Variants in MAGI1 observed in about 807,000 individuals in gnomAD.
MAGI1 encodes membrane-associated guanylate kinase, WW and PDZ domain-containing protein 1.
In MAGI1, 58 loss-of-function variants were observed where a neutral mutation model predicts 139.9. That is an observed-to-expected ratio of 0.41 (90% CI 0.34 to 0.52). MAGI1 has a LOEUF of 0.52. Ranked by LOEUF, MAGI1 falls within the 20% of genes least tolerant of loss-of-function variation. The probability of loss-of-function intolerance (pLI) is 0.12; values close to 1 mark genes in which losing one functional copy is unlikely to be tolerated. For synonymous variants in MAGI1, 812 were observed against 737.9 expected, an observed-to-expected ratio of 1.10 and a Z score of -1.63; for missense variants, 1,874 against 1,901.6, an observed-to-expected ratio of 0.99 and a Z score of 0.27.
rs898329626 is a variant in MAGI1, at chr3:65,434,798, G to A, written c.1363+2357C>T. ...CAAAGATTATAAAAGTGCTTGAAAC[G>A]TGTGGATCAACAGAGAGACTACACA... is the stretch of plus-strand genomic sequence containing the variant. On this transcript the variant is annotated intron_variant, in intron 10 of 22. Transcript: ENST00000402939. 3.3e-5 allele frequency among the ~76,000 whole-genome samples: 5 copies of A among 152,212 alleles called. No individual in the cohort carries two copies. The South Asian group carries it at 6.2e-4, about 19-fold the overall frequency.
At chr3:65,708,571 G>C (rs1179420676) in intron 1 of MAGI1, among the ~76,000 whole-genome samples, 2 of 152,152 alleles carry the variant, frequency 1.3e-5, no homozygotes, top group Admixed American at 6.5e-5. Flanking sequence ...CTTGGGGGCA[G>C]TCAGGTGGGC....
intron 1 of MAGI1, among the ~76,000 whole-genome samples, chr3:65,953,608 C>A (rs571460672): frequency 1.2e-4 from 19 of 152,296 alleles, no homozygotes; most frequent in African/African-American, 3.6e-4. Context: ...ACCAGCCCTA[C>A]AGGTGTATCC....
intron 1 of MAGI1, among the ~76,000 whole-genome samples, chr3:65,751,289 C>T (rs937062127): frequency 1.2e-4 from 18 of 152,166 alleles, no homozygotes; most frequent in Non-Finnish European, 5.9e-5. Context: ...AGAAATTGTC[C>T]TGCCCCCTGC....
In MAGI1 at chr3:65,571,741, T is replaced by C. The variant is rs568571485; in HGVS notation, c.430+50231A>G. 6.8e-4 allele frequency among the ~76,000 whole-genome samples: 103 copies of C among 152,098 alleles called. 1 individual carries two copies. The highest frequency in any genetic ancestry group is 6.2e-4 in the South Asian group (3 of 4,814). The stretch of plus-strand genomic sequence containing the variant: ...CAACTACACCCATAGGTGTAGTTGA[T>C]GAATACGTTTTGAGAGATGTCACTG... On this transcript the variant is annotated intron_variant, in intron 2 of 22. Transcript: ENST00000402939.
intron 1 of MAGI1, among the ~76,000 whole-genome samples, chr3:65,787,791 G>A (rs994496676): frequency 7.2e-5 from 11 of 152,000 alleles, no homozygotes; most frequent in South Asian, 4.2e-4. Flanking sequence ...GTTAGGAGCC[G>A]TTAAAATATG....
At chr3:65,823,504 T>C (rs1359316503) in intron 1 of MAGI1, among the ~76,000 whole-genome samples, 1 of 152,234 alleles carries the variant, frequency 6.6e-6, no homozygotes, top group Non-Finnish European at 1.5e-5. Context: ...GGGAGCAATG[T>C]GGTATGCCAT....
chr3:65,581,393 G>A (rs928297126), intron 2 of MAGI1, among the ~76,000 whole-genome samples: 27 of 152,130 alleles, frequency 1.8e-4, no homozygotes, highest in African/African-American at 6.3e-4. Context: ...GGCCACGGAA[G>A]TTCTCTGCTC....
chr3:65,896,355 G>A, intron 1 of MAGI1, among the ~76,000 whole-genome samples: 1 of 151,078 alleles, frequency 6.6e-6, no homozygotes, highest in East Asian at 2.0e-4. Context: ...ATCAATCGAG[G>A]ACAATTTAGT....
chr3:65,881,110 T>G (rs867492646), intron 1 of MAGI1, among the ~76,000 whole-genome samples: 1 of 151,994 alleles, frequency 6.6e-6, no homozygotes, highest in Non-Finnish European at 1.5e-5. Context: ...GGTCTTGAAC[T>G]CCTGAGCTCA....
intron 1 of MAGI1, among the ~76,000 whole-genome samples, chr3:65,959,479 G>A (rs545822929): frequency 6.6e-6 from 1 of 151,754 alleles, no homozygotes; most frequent in African/African-American, 2.4e-5. Context: ...TTTTGAGACA[G>A]GGTCTGGAGT....
intron 1 of MAGI1, chr3:65,687,990 T>G (rs934962544): frequency 6.1e-6 from 5 of 825,534 alleles, no homozygotes; most frequent in Admixed American, 5.3e-5. Flanking sequence ...ACTGAAGGAC[T>G]TGAGGGTTTC....
intron 1 of MAGI1, among the ~76,000 whole-genome samples, chr3:65,830,505 A>C (rs2042464680): frequency 6.6e-6 from 1 of 152,344 alleles, no homozygotes; most frequent in Non-Finnish European, 1.5e-5. Context: ...ATCAATGCTA[A>C]GTTAATGGGC....
chr3:65,694,401 C>T (rs566920906), intron 1 of MAGI1, among the ~76,000 whole-genome samples: 1 of 152,032 alleles, frequency 6.6e-6, no homozygotes, highest in Non-Finnish European at 1.5e-5. Context: ...AAATGGTATA[C>T]ATAATGTGCT....
intron 1 of MAGI1, among the ~76,000 whole-genome samples, chr3:65,742,073 T>C (rs1268398861): frequency 6.6e-6 from 1 of 152,192 alleles, no homozygotes; most frequent in East Asian, 1.9e-4. Context: ...CGCATGGGGA[T>C]ATGATATTTA....
intron 12 of MAGI1, among the ~76,000 whole-genome samples, chr3:65,409,273 G>A (rs1468796799): frequency 6.6e-6 from 1 of 152,194 alleles, no homozygotes; most frequent in South Asian, 2.1e-4. Context: ...ATTCACAGTG[G>A]TAAGTGTTAC....
intron 1 of MAGI1, among the ~76,000 whole-genome samples, chr3:65,855,313 C>T (rs77317766): frequency 6.6e-6 from 1 of 151,828 alleles, no homozygotes; most frequent in African/African-American, 2.4e-5. Flanking sequence ...GGTGCGATGG[C>T]TCACACCTGT....
chr3:65,758,362 A>C (rs981695380), intron 1 of MAGI1, among the ~76,000 whole-genome samples: 1 of 151,698 alleles, frequency 6.6e-6, no homozygotes, highest in African/African-American at 2.4e-5. Flanking sequence ...ATTCAAAACT[A>C]CCCAAATATC....
intron 1 of MAGI1, among the ~76,000 whole-genome samples, chr3:65,684,493 G>T (rs947246908): frequency 6.6e-6 from 1 of 152,116 alleles, no homozygotes; most frequent in African/African-American, 2.4e-5. Flanking sequence ...ACGGATTAGT[G>T]GTTGTCAGGA....
intron 1 of MAGI1, among the ~76,000 whole-genome samples, chr3:65,963,736 T>C (rs1338694814): frequency 6.6e-6 from 1 of 152,230 alleles, no homozygotes; most frequent in African/African-American, 2.4e-5. Context: ...TAACATGCAC[T>C]ATTTTACTTG....
Sources: allele counts gnomAD v4.1 joint callset (sites outside exome capture counted in the v4.1 genomes callset), GRCh38; gene constraint gnomAD v4.1.1; transcripts MANE v1.5; gene names NCBI Gene and HGNC (gene_info 2026-07-23, HGNC 2026-07-21).